Variants in BLK observed in about 807,000 individuals in gnomAD.
BLK encodes BLK proto-oncogene, Src family tyrosine kinase, also known as tyrosine-protein kinase Blk.
Under a neutral mutation model 61.8 loss-of-function variants are expected in BLK, and 64 were observed. The observed-to-expected ratio is 1.03, with a 90% CI of 0.85 to 1.27. The LOEUF (loss-of-function observed/expected upper bound fraction) is 1.27, where lower values mean the gene tolerates loss of function less well. Among genes scored for constraint, BLK ranks in the 50% most tolerant of loss-of-function variants. The pLI is 0.00. For missense variants in BLK, 853 were observed against 660.5 expected (o/e 1.29, Z -3.19); for synonymous variants, 351 against 272.0 (o/e 1.29, Z -2.86).
Position 11,499,616 on chromosome 8 carries a change from G to A in BLK, c.-2+5025G>A, listed in dbSNP as rs28374288. 4.7e-3 allele frequency among the ~76,000 whole-genome samples: 709 copies of A among 152,210 alleles called. 7 individuals are homozygous for A. The highest frequency in any genetic ancestry group is 0.016 in the African/African-American group (672 of 41,516). On this transcript the variant is annotated intron_variant, in intron 1 of 12. Transcript: ENST00000259089. The stretch of plus-strand genomic sequence containing the variant: ...TTGCTGAGATGACGTTAAGCTGTTC[G>A]CATTCCACCCAGGACCTCCACAGGA...
Position 11,524,578 on chromosome 8 carries a change from A to G in BLK, c.-1-18646A>G, listed in dbSNP as rs535083532. Among the ~76,000 whole-genome samples, 122 of 152,358 alleles carry G rather than the reference A, an allele frequency of 8.0e-4. 4 individuals are homozygous for G. In the South Asian group the frequency reaches 0.025, roughly 31 times the overall value. On this transcript the variant is annotated intron_variant, in intron 1 of 12. Coordinates refer to ENST00000259089, the MANE Select transcript of BLK (RefSeq NM_001715.3). ...TTTGCCAAAATATATCGGAAGACTT[A>G]GAAAGGTTATGTATGCTCTTGAGCG...
chr8:11,496,200 T>G (rs180806088), intron 1 of BLK, among the ~76,000 whole-genome samples: 48 of 152,330 alleles, frequency 3.2e-4, no homozygotes, highest in Middle Eastern at 6.8e-3. Context: ...ATTGTTGTTG[T>G]TGGTGTCCAA....
At chr8:11,527,987 T>A (rs1490450458) in intron 1 of BLK, among the ~76,000 whole-genome samples, 1 of 152,038 alleles carries the variant, frequency 6.6e-6, no homozygotes, top group Non-Finnish European at 1.5e-5. Flanking sequence ...ACAAGGGTGA[T>A]TTTTGCTCCC....
intron 10 of BLK, chr8:11,560,088 T>G (rs984049477): frequency 1.5e-5 from 4 of 271,332 alleles, no homozygotes; most frequent in East Asian, 1.3e-4. Flanking sequence ...AAATGAGTAT[T>G]GATTGCATGG....
intron 1 of BLK, among the ~76,000 whole-genome samples, chr8:11,500,779 C>T (rs1210329307): frequency 6.6e-6 from 1 of 152,186 alleles, no homozygotes; most frequent in Non-Finnish European, 1.5e-5. Flanking sequence ...TCCCAAAGTG[C>T]TGGGATTACA....
chr8:11,535,990 A>G (rs1202237024), intron 1 of BLK, among the ~76,000 whole-genome samples: 2 of 152,254 alleles, frequency 1.3e-5, no homozygotes, highest in African/African-American at 2.4e-5. Flanking sequence ...GTTTAAAGGA[A>G]ACCTAAGACG....
At chr8:11,553,445 T>C (rs1388625368) in intron 6 of BLK, 5 of 427,090 alleles carry the variant, frequency 1.2e-5, no homozygotes, top group African/African-American at 6.1e-5. Flanking sequence ...GGACACCAAA[T>C]TGTCAGAAGC....
intron 1 of BLK, among the ~76,000 whole-genome samples, chr8:11,524,506 G>A (rs1008509961): frequency 1.3e-5 from 2 of 152,216 alleles, no homozygotes; most frequent in African/African-American, 4.8e-5. Context: ...AGAAAGTACA[G>A]GGAACTACAT....
intron 1 of BLK, among the ~76,000 whole-genome samples, chr8:11,504,386 GAAAAGAAAAGAAAA>G (rs1563420738): frequency 1.5e-5 from 2 of 133,138 alleles, no homozygotes; most frequent in African/African-American, 5.9e-5. Flanking sequence ...GAAAAGAAAA[GAAAAGAAAAGAAAA>G]GAAAAGAAAA....
chr8:11,514,780 G>A (rs898690492), intron 1 of BLK, among the ~76,000 whole-genome samples: 8 of 152,188 alleles, frequency 5.3e-5, no homozygotes, highest in Admixed American at 3.3e-4. Flanking sequence ...GCATCAGAAT[G>A]GGGGTGAGAG....
chr8:11,554,998 G>C, intron 7 of BLK, 109 bp downstream of exon 7: 1 of 1,493,202 alleles, frequency 6.7e-7, no homozygotes, highest in South Asian at 1.2e-5. Context: ...GGGATGGAAA[G>C]ATTATCCCAA....
intron 1 of BLK, among the ~76,000 whole-genome samples, chr8:11,537,897 A>G (rs978022824): frequency 2.0e-5 from 3 of 152,140 alleles, no homozygotes; most frequent in Admixed American, 6.5e-5. Flanking sequence ...TCCCAAAGCA[A>G]ACATTGACTG....
chr8:11,497,059 G>T (rs959838198), intron 1 of BLK, among the ~76,000 whole-genome samples: 1 of 152,138 alleles, frequency 6.6e-6, no homozygotes, highest in Non-Finnish European at 1.5e-5. Context: ...GCCCAGCAGA[G>T]CGGGTGAGCC....
At chr8:11,523,724 G>A (rs951922258) in intron 1 of BLK, among the ~76,000 whole-genome samples, 1 of 152,022 alleles carries the variant, frequency 6.6e-6, no homozygotes, top group Non-Finnish European at 1.5e-5. Context: ...AGACGTGGAT[G>A]ATCAAATCAT....
chr8:11,556,841 G>A lies in BLK; in HGVS notation c.952+4G>A. 2 of 1,613,748 alleles carry A rather than the reference G, an allele frequency of 1.2e-6. No homozygotes were observed. Among genetic ancestry groups the A allele is most frequent in the South Asian group, 2.2e-5 (2 of 91,046 alleles). ...GTCACCGAGTACATGGCCAGAGGTGGTGCCCCCCGCAGAGCCGCATCCTCA... is the reference window on the plus strand; with the variant it reads ...GTCACCGAGTACATGGCCAGAGGTGATGCCCCCCGCAGAGCCGCATCCTCA... On this transcript the variant is annotated splice_donor_region_variant and intron_variant, in intron 9 of 12. Transcript: ENST00000259089.
At chr8:11,499,185 T>C (rs565668034) in intron 1 of BLK, among the ~76,000 whole-genome samples, 1 of 152,324 alleles carries the variant, frequency 6.6e-6, no homozygotes, top group African/African-American at 2.4e-5. Flanking sequence ...GAGACACAAA[T>C]ATTCACCACT....
chr8:11,548,153 C>G (rs966249322), intron 4 of BLK, 28 bp downstream of exon 4: 1 of 1,553,098 alleles, frequency 6.4e-7, no homozygotes, highest in Non-Finnish European at 8.9e-7. Flanking sequence ...CATCCCCTGT[C>G]CCTGCAGGAC....
intron 6 of BLK, chr8:11,552,858 A>C (rs1041817327): frequency 6.6e-6 from 1 of 152,440 alleles, no homozygotes; most frequent in Non-Finnish European, 1.5e-5. Flanking sequence ...CCAGGGCTGC[A>C]GGACTGTTCA....
At chr8:11,523,822 A>C (rs915564146) in intron 1 of BLK, among the ~76,000 whole-genome samples, 10 of 143,932 alleles carry the variant, frequency 6.9e-5, no homozygotes, top group African/African-American at 2.6e-4. Flanking sequence ...CTTTTCACTG[A>C]GCAGATTGAC....
Sources: gnomAD v4.1 joint callset for allele counts (sites outside exome capture counted in the v4.1 genomes callset) on GRCh38, gnomAD v4.1.1 for gene constraint, MANE v1.5 for transcripts, NCBI Gene and HGNC (gene_info 2026-07-23, HGNC 2026-07-21) for gene names.